PDE4D: variants seen among roughly 807,000 people sequenced by gnomAD.
PDE4D encodes 3',5'-cyclic-AMP phosphodiesterase 4D.
Under a neutral mutation model 87.4 loss-of-function variants are expected in PDE4D, and 24 were observed. The observed-to-expected ratio is 0.27, with a 90% CI of 0.20 to 0.39. The LOEUF (loss-of-function observed/expected upper bound fraction) is 0.39, where lower values mean the gene tolerates loss of function less well. PDE4D is among the 10% of genes least tolerant of loss of function. PDE4D has a pLI of 1.00. For missense variants in PDE4D, 714 were observed against 1,041.0 expected, an observed-to-expected ratio of 0.69 and a Z score of 4.32; for synonymous variants, 384 against 383.2, an observed-to-expected ratio of 1.00 and a Z score of -0.02.
Position 60,329,103 on chromosome 5 carries a change from G to T in PDE4D, c.-89-143416C>A, listed in dbSNP as rs186226298. On this transcript the variant is annotated intron_variant, in intron 1 of 16. Transcript: ENST00000502484. ...TTTGGGTCTTCATTTCCTTATGAGG[G>T]CTCCTGTGTTATGTAAAACTTACAT... Among the ~76,000 whole-genome samples the T allele has an allele frequency of 1.1e-3, 173 of 152,248 alleles. 2 individuals are homozygous for T. Among genetic ancestry groups the T allele is most frequent in the African/African-American group, 3.9e-3 (161 of 41,556 alleles).
At chr5:59,444,253 A>G (rs1798039979) in intron 1 of PDE4D, among the ~76,000 whole-genome samples, 1 of 152,218 alleles carries the variant, frequency 6.6e-6, no homozygotes, top group Non-Finnish European at 1.5e-5. Context: ...GCTTGGCTAC[A>G]GACCTTGGGC....
intron 2 of PDE4D, chr5:60,147,610 T>G: frequency 3.7e-6 from 1 of 268,984 alleles, no homozygotes; most frequent in South Asian, 3.2e-5. Flanking sequence ...AAATATCTCT[T>G]ACCTCACACA....
At chr5:60,462,046 T>C (rs552982049) in intron 1 of PDE4D, among the ~76,000 whole-genome samples, 1 of 152,268 alleles carries the variant, frequency 6.6e-6, no homozygotes, top group Admixed American at 6.5e-5. Flanking sequence ...GGGCCAGGTA[T>C]CCCTAATCAG....
intron 2 of PDE4D, among the ~76,000 whole-genome samples, chr5:60,175,605 C>A (rs1269752196): frequency 6.6e-6 from 1 of 152,234 alleles, no homozygotes; most frequent in Non-Finnish European, 1.5e-5. Flanking sequence ...TTTGCTCCCC[C>A]TTTAGCTTTG....
intron 1 of PDE4D, among the ~76,000 whole-genome samples, chr5:60,293,901 GTATGA>G (rs1753148865): frequency 6.6e-6 from 1 of 152,184 alleles, no homozygotes; most frequent in South Asian, 2.1e-4. Context: ...AAGTATTTAT[GTATGA>G]TATAATTTTT....
At chr5:59,257,056 T>G (rs1489489934) in intron 1 of PDE4D, among the ~76,000 whole-genome samples, 1 of 152,076 alleles carries the variant, frequency 6.6e-6, no homozygotes, top group African/African-American at 2.4e-5. Flanking sequence ...CATACATCTT[T>G]AATAAATGTT....
At chr5:59,436,167 CTT>C (rs1796772873) in intron 1 of PDE4D, among the ~76,000 whole-genome samples, 1 of 152,164 alleles carries the variant, frequency 6.6e-6, no homozygotes, top group African/African-American at 2.4e-5. Context: ...TTAATCTACT[CTT>C]AAACACTGCA....
intron 6 of PDE4D, among the ~76,000 whole-genome samples, chr5:58,996,871 C>A (rs1749350470): frequency 6.6e-6 from 1 of 152,066 alleles, no homozygotes; most frequent in Non-Finnish European, 1.5e-5. Flanking sequence ...ATTGTACAGA[C>A]TAGATAAGTG....
chr5:59,330,602 T>C (rs1307313007), intron 1 of PDE4D, among the ~76,000 whole-genome samples: 1 of 152,158 alleles, frequency 6.6e-6, no homozygotes, highest in African/African-American at 2.4e-5. Context: ...GGTTTGCCTC[T>C]ATGTTAAAAG....
intron 1 of PDE4D, among the ~76,000 whole-genome samples, chr5:59,373,057 A>G (rs912590750): frequency 1.3e-5 from 2 of 152,174 alleles, no homozygotes; most frequent in African/African-American, 4.8e-5. Context: ...CATTAAAGGT[A>G]GAAAAGTCCA....
chr5:59,047,779 C>G (rs1580508412), intron 5 of PDE4D, among the ~76,000 whole-genome samples: 1 of 152,136 alleles, frequency 6.6e-6, no homozygotes, highest in Admixed American at 6.5e-5. Context: ...GAAAGCCCTT[C>G]GGAAGTAATT....
chr5:60,048,431 T>C (rs1291780450), intron 2 of PDE4D, among the ~76,000 whole-genome samples: 1 of 152,086 alleles, frequency 6.6e-6, no homozygotes, highest in Non-Finnish European at 1.5e-5. Flanking sequence ...GCTATTTTGC[T>C]CGTTAATCGA....
intron 3 of PDE4D, among the ~76,000 whole-genome samples, chr5:59,188,762 G>A (rs1180440118): frequency 6.6e-6 from 1 of 152,044 alleles, no homozygotes; most frequent in East Asian, 1.9e-4. Context: ...AAAATAGAAA[G>A]GTCATTTTTA....
chr5:60,116,172 TGGATTATAGTGA>T (rs1778155020), intron 2 of PDE4D, among the ~76,000 whole-genome samples: 1 of 152,022 alleles, frequency 6.6e-6, no homozygotes, highest in Non-Finnish European at 1.5e-5. Flanking sequence ...GGGCAAACGA[TGGATTATAGTGA>T]GGGCCTGAGA....
intron 1 of PDE4D, among the ~76,000 whole-genome samples, chr5:60,482,352 C>T (rs1748796467): frequency 6.6e-6 from 1 of 152,074 alleles, no homozygotes; most frequent in Non-Finnish European, 1.5e-5. Flanking sequence ...TATAAGACAC[C>T]CAGTTGATGA....
intron 1 of PDE4D, among the ~76,000 whole-genome samples, chr5:59,874,215 T>G (rs73761026): frequency 6.6e-6 from 1 of 152,108 alleles, no homozygotes; most frequent in Non-Finnish European, 1.5e-5. Flanking sequence ...AAGAAAAAAG[T>G]AAGATTTAGA....
At chr5:59,075,713 A>G (rs989140275) in intron 5 of PDE4D, among the ~76,000 whole-genome samples, 1 of 152,198 alleles carries the variant, frequency 6.6e-6, no homozygotes, top group African/African-American at 2.4e-5. Context: ...AAAGCATACA[A>G]GAAATTCTCA....
intron 5 of PDE4D, among the ~76,000 whole-genome samples, chr5:59,149,981 T>C (rs1001348119): frequency 3.9e-5 from 6 of 152,114 alleles, no homozygotes; most frequent in Middle Eastern, 3.2e-3. Flanking sequence ...GCCCCAGGCA[T>C]TTCAAATTTG....
chr5:60,246,463 C>G (rs1405624882), intron 1 of PDE4D, among the ~76,000 whole-genome samples: 1 of 151,730 alleles, frequency 6.6e-6, no homozygotes, highest in African/African-American at 2.4e-5. Flanking sequence ...CTCTTAACTT[C>G]TTTTTCATAT....
Sources: allele counts gnomAD v4.1 joint callset (sites outside exome capture counted in the v4.1 genomes callset), GRCh38; gene constraint gnomAD v4.1.1; transcripts MANE v1.5; gene names NCBI Gene and HGNC (gene_info 2026-07-23, HGNC 2026-07-21).